ITK: variants seen among roughly 807,000 people sequenced by gnomAD.
The protein encoded by ITK is tyrosine-protein kinase ITK/TSK.
In ITK, 45 loss-of-function variants were observed where a neutral mutation model predicts 87.6. The ratio of observed to expected loss-of-function variants is 0.51; its 90% CI spans 0.40 to 0.66. The LOEUF is 0.66. Among genes scored for constraint, ITK ranks in the 30% least tolerant of loss-of-function variants. The pLI is 0.00. For synonymous variants in ITK, 303 were observed against 273.6 expected (o/e 1.11, Z -1.06); for missense variants, 605 against 766.3 (o/e 0.79, Z 2.48).
At chr5:157,219,734 G>A (rs998868556) in intron 5 of ITK, among the ~76,000 whole-genome samples, 1 of 152,048 alleles carries the variant, frequency 6.6e-6, no homozygotes, top group Non-Finnish European at 1.5e-5. Context: ...CCCTTTGAAG[G>A]CCTGGTTCGG....
At chr5:157,198,115 T>C (rs1753886472) in intron 1 of ITK, among the ~76,000 whole-genome samples, 1 of 145,028 alleles carries the variant, frequency 6.9e-6, no homozygotes, top group African/African-American at 2.5e-5. Flanking sequence ...CAAGACTCTA[T>C]CTCTTAAGAA....
chr5:157,226,903 C>T (rs543660815), intron 6 of ITK, among the ~76,000 whole-genome samples: 74 of 152,252 alleles, frequency 4.9e-4, no homozygotes, highest in Middle Eastern at 3.4e-3. Flanking sequence ...TGCCCCCACC[C>T]GCCACCACCC....
intron 9 of ITK, 139 bp downstream of exon 9, chr5:157,238,330 GAA>G: frequency 1.4e-6 from 1 of 723,342 alleles, no homozygotes; most frequent in Non-Finnish European, 2.5e-6. Context: ...TTTACTCCGA[GAA>G]AACCAAAGCC....
chr5:157,229,048 C>T (rs71591328), intron 7 of ITK, among the ~76,000 whole-genome samples: 2,491 of 152,050 alleles, frequency 0.016, 29 homozygotes, highest in Non-Finnish European at 0.027. Context: ...TAATAGACTA[C>T]AAACCATTGA....
chr5:157,192,114 T>C (rs1753763564), intron 1 of ITK, among the ~76,000 whole-genome samples: 2 of 152,250 alleles, frequency 1.3e-5, no homozygotes, highest in Admixed American at 1.3e-4. Flanking sequence ...TTTTGAATGT[T>C]TTAGTGAGAG....
chr5:157,243,576 A>G lies in ITK; in HGVS notation c.1061-47A>G, dbSNP rs1276057832. 5 of 1,529,542 alleles carry G rather than the reference A, an allele frequency of 3.3e-6. No individual in the cohort carries two copies. The African/African-American group carries it at 6.8e-5, about 21-fold the overall frequency. 94.7% of individuals were successfully genotyped at this position (1,529,542 alleles called of 1,614,324 possible). A position where few individuals can be genotyped will look rare whatever the true frequency, so the allele number is the denominator to read the frequency against. ...TAGTCCCCTGGTATCCCAATACCTT[A>G]TATCTACTGCTTGCTGACCCCAGAG... On this transcript the variant is annotated intron_variant, in intron 11 of 16. Coordinates refer to ENST00000422843, the MANE Select transcript of ITK (RefSeq NM_005546.4).
rs74667220 is a variant in ITK, at chr5:157,222,499, A to G, written c.496-364A>G. Among the ~76,000 whole-genome samples the G allele has an allele frequency of 2.6e-5, 4 of 152,344 alleles. No individual in the cohort carries two copies. In the East Asian group the frequency reaches 7.7e-4, roughly 29 times the overall value. ...TTCCGTAGATCTAGATAAACCCACAAATCATATTAGTAAAGCACAAACTGA... is the reference window on the plus strand; with the variant it reads ...TTCCGTAGATCTAGATAAACCCACAGATCATATTAGTAAAGCACAAACTGA... On this transcript the variant is annotated intron_variant, in intron 5 of 16. Transcript: ENST00000422843.
chr5:157,235,560 C>T (rs2113769380), intron 8 of ITK, among the ~76,000 whole-genome samples: 1 of 152,326 alleles, frequency 6.6e-6, no homozygotes, highest in Middle Eastern at 3.4e-3. Context: ...GGGTAACTCT[C>T]TTAGAACACC....
At chr5:157,224,762 C>T (rs570230783) in intron 6 of ITK, among the ~76,000 whole-genome samples, 9 of 152,200 alleles carry the variant, frequency 5.9e-5, no homozygotes, top group Admixed American at 5.2e-4. Flanking sequence ...GCCTGGGAGA[C>T]AGAATGAGAA....
chr5:157,245,321 C>T, intron 13 of ITK: 3 of 332,360 alleles, frequency 9.0e-6, no homozygotes, highest in Non-Finnish European at 1.8e-5. Flanking sequence ...GGGTCAGGTA[C>T]TCTCCCTATT....
chr5:157,220,226 A>G (rs1036515082), intron 5 of ITK, among the ~76,000 whole-genome samples: 2 of 152,080 alleles, frequency 1.3e-5, no homozygotes, highest in Admixed American at 1.3e-4. Flanking sequence ...GGGGATGGCT[A>G]TTTTGGTTCA....
intron 3 of ITK, chr5:157,211,587 T>G: frequency 1.7e-6 from 1 of 583,862 alleles, no homozygotes; most frequent in Non-Finnish European, 3.1e-6. Flanking sequence ...CTTGTCAGGC[T>G]CTGAGCAATA....
intron 1 of ITK, among the ~76,000 whole-genome samples, chr5:157,184,769 A>T (rs1175417777): frequency 1.3e-5 from 2 of 152,254 alleles, no homozygotes; most frequent in East Asian, 3.8e-4. Context: ...CTACATGGTA[A>T]GGTGATTATT....
chr5:157,216,863 T>C (rs1479601814), intron 4 of ITK, among the ~76,000 whole-genome samples: 1 of 152,132 alleles, frequency 6.6e-6, no homozygotes, highest in Non-Finnish European at 1.5e-5. Context: ...CAGCCTACTC[T>C]TTCTTGGCAA....
intron 2 of ITK, among the ~76,000 whole-genome samples, chr5:157,211,030 A>C (rs1430993978): frequency 6.6e-6 from 1 of 152,068 alleles, no homozygotes; most frequent in African/African-American, 2.4e-5. Flanking sequence ...TCAAGAGGAG[A>C]ACTTTCTCCT....
At chr5:157,189,736 T>C (rs886251120) in intron 1 of ITK, among the ~76,000 whole-genome samples, 1 of 152,222 alleles carries the variant, frequency 6.6e-6, no homozygotes, top group African/African-American at 2.4e-5. Flanking sequence ...ACAAGCTCCA[T>C]GTAAAACAAG....
intron 4 of ITK, among the ~76,000 whole-genome samples, chr5:157,215,705 C>T (rs1754284735): frequency 6.6e-6 from 1 of 152,214 alleles, no homozygotes; most frequent in Non-Finnish European, 1.5e-5. Context: ...TGTGGGCCCT[C>T]AGATGAGTCA....
intron 6 of ITK, 80 bp downstream of exon 6, chr5:157,223,094 C>G (rs1754457367): frequency 1.3e-6 from 2 of 1,530,602 alleles, no homozygotes; most frequent in African/African-American, 2.7e-5. Context: ...TTTGTCCTAT[C>G]TCCCACAGTG....
At chr5:157,207,070 A>C (rs1010670160) in intron 1 of ITK, among the ~76,000 whole-genome samples, 7 of 152,120 alleles carry the variant, frequency 4.6e-5, no homozygotes, top group Admixed American at 4.6e-4. Context: ...TTCACCTTTA[A>C]ATTTTTTTAA....
Sources: gnomAD v4.1 joint callset for allele counts (sites outside exome capture counted in the v4.1 genomes callset) on GRCh38, gnomAD v4.1.1 for gene constraint, MANE v1.5 for transcripts, NCBI Gene and HGNC (gene_info 2026-07-23, HGNC 2026-07-21) for gene names.